GPR55: variants seen among roughly 807,000 people sequenced by gnomAD.
The protein encoded by GPR55 is G protein-coupled receptor 55.
GPR55 carries 6 observed loss-of-function variants against 7.9 expected under a neutral mutation model. The observed-to-expected ratio is 0.76, with a 90% CI of 0.41 to 1.49. The LOEUF (loss-of-function observed/expected upper bound fraction) is 1.49. GPR55 is among the 40% of genes most tolerant of loss of function. The pLI, the probability that GPR55 is intolerant of heterozygous loss-of-function variation, is 0.01. For synonymous variants in GPR55, 183 were observed against 166.8 expected (o/e 1.10, Z -0.75); for missense variants, 376 against 406.0 (o/e 0.93, Z 0.63).
chr2:230,958,383 T>C (rs1691523195), intron 1 of GPR55, among the ~76,000 whole-genome samples: 1 of 152,356 alleles, frequency 6.6e-6, no homozygotes, highest in East Asian at 1.9e-4. Flanking sequence ...TTATCCTCTG[T>C]GTTACAAACA....
Position 230,910,616 on chromosome 2 carries a change from C to T in GPR55, c.347G>A (p.Ser116Asn), listed in dbSNP as rs760682141. Residue 116 changes from serine (S) to asparagine (N), a missense_variant, in exon 2 of 2, where the codon AGC (serine) becomes AAC (asparagine). Coordinates refer to ENST00000650999, the MANE Select transcript of GPR55 (RefSeq NM_005683.4). This position sits in a 1 kb window ranked among gnomAD's most constrained non-coding sequence, Gnocchi z 5.4. ...ACGGATGGCCAAGAACCGGTCCATG[C>T]TGATGAAGCAGATGGTGAAGACGCT... ...YGSVFTICFI[S>N]MDRFLAIRYP... The T allele has an allele frequency of 2.5e-6, 4 of 1,613,818 alleles. No individual in the cohort carries two copies. The Admixed American group carries it at 6.7e-5, about 27-fold the overall frequency.
chr2:230,937,549 T>A (rs2125064347), intron 1 of GPR55, among the ~76,000 whole-genome samples: 1 of 151,610 alleles, frequency 6.6e-6, no homozygotes, highest in African/African-American at 2.4e-5. Context: ...GTTGCACCCT[T>A]CTGCAGAAGT....
At chr2:230,929,193 G>T (rs1350593471), upstream of GPR55, among the ~76,000 whole-genome samples, 1 of 152,046 alleles carries the variant, frequency 6.6e-6, no homozygotes, top group Non-Finnish European at 1.5e-5. Context: ...TGACTCCCCT[G>T]CACGGTCAGC....
At chr2:230,934,854 G>C (rs1295534703) in intron 1 of GPR55, among the ~76,000 whole-genome samples, 1 of 152,068 alleles carries the variant, frequency 6.6e-6, no homozygotes, top group Non-Finnish European at 1.5e-5. Flanking sequence ...CTCTTCAGTC[G>C]GGGTTTCCCA....
At position 230,944,688 on chromosome 2, in the gene GPR55, T is replaced by C. The variant is rs184030236; in HGVS notation, c.-135+16087A>G. Among the ~76,000 whole-genome samples the C allele has an allele frequency of 6.6e-6, 1 of 152,340 alleles. No homozygotes were observed. The highest frequency in any genetic ancestry group is 1.9e-4 in the East Asian group (1 of 5,188). ...TGAATGCTTTGTCACAAATTTACTT[T>C]GATCTCATGTACCCCGTAAATACAG... is the stretch of plus-strand genomic sequence containing the variant. On this transcript the variant is annotated intron_variant, in intron 1 of 1. Coordinates refer to the GPR55 transcript ENST00000392039. The surrounding 1 kb of genome is among the most constrained non-coding windows in gnomAD (Gnocchi z 4.2).
intron 1 of GPR55, among the ~76,000 whole-genome samples, chr2:230,916,246 G>T (rs886503095): frequency 1.3e-5 from 2 of 152,082 alleles, no homozygotes; most frequent in Non-Finnish European, 2.9e-5. Context: ...GATTAGTAGA[G>T]TGTGGTGGCT....
chr2:230,914,410 A>G (rs1690663049), intron 1 of GPR55, among the ~76,000 whole-genome samples: 1 of 152,226 alleles, frequency 6.6e-6, no homozygotes, highest in African/African-American at 2.4e-5. Flanking sequence ...GGCAAGAAGA[A>G]ATTAGGTTGA....
rs1411704679 is a variant in GPR55, at chr2:230,924,887, C to G, written c.-135+281G>C. The stretch of plus-strand genomic sequence containing the variant: ...TTCCCGACCCGACATGATGCTGCAA[C>G]CCTGAGTCAGATCAGGAGGAAGTTG... On this transcript the variant is annotated intron_variant, in intron 1 of 1. Transcript: ENST00000650999. The surrounding 1 kb of genome is among the most constrained non-coding windows in gnomAD (Gnocchi z 4.5). Among the ~76,000 whole-genome samples, 1 of 152,132 alleles carries G rather than the reference C, an allele frequency of 6.6e-6. No individual in the cohort carries two copies. Among genetic ancestry groups the G allele is most frequent in the Non-Finnish European group, 1.5e-5 (1 of 68,030 alleles).
At chr2:230,920,580 G>A (rs1425066523) in intron 1 of GPR55, among the ~76,000 whole-genome samples, 3 of 152,058 alleles carry the variant, frequency 2.0e-5, no homozygotes, top group Admixed American at 2.0e-4. Context: ...AGTAAAAGAC[G>A]ACATAAAAGA....
chr2:230,954,300 G>A (rs79580292), intron 1 of GPR55, among the ~76,000 whole-genome samples: 381 of 152,348 alleles, frequency 2.5e-3, no homozygotes, highest in Admixed American at 4.7e-3. Context: ...TGTTTCCACA[G>A]TGACAGAGCC....
At chr2:230,952,619 G>C (rs1437422347) in intron 1 of GPR55, among the ~76,000 whole-genome samples, 1 of 152,212 alleles carries the variant, frequency 6.6e-6, no homozygotes, top group East Asian at 1.9e-4. Context: ...CTGCCCACAA[G>C]GTGTCATGGG....
chr2:230,930,298 C>T (rs1157522769), intron 1 of GPR55, among the ~76,000 whole-genome samples: 3 of 152,114 alleles, frequency 2.0e-5, no homozygotes, highest in Non-Finnish European at 4.4e-5. Flanking sequence ...TTCCTTTGCC[C>T]ACATGCCCAT....
At chr2:230,946,089 C>A (rs772812034) in intron 1 of GPR55, among the ~76,000 whole-genome samples, 4 of 152,118 alleles carry the variant, frequency 2.6e-5, no homozygotes, top group African/African-American at 4.8e-5. Flanking sequence ...GGGCATCATG[C>A]TCAGTGAAAT....
At position 230,910,359 on chromosome 2, in the gene GPR55, A is replaced by G; in HGVS notation, c.604T>C (p.Ser202Pro). The change falls in exon 2 of 2, where the codon TCC (serine) becomes CCC (proline). Residue 202 changes from serine to proline, a missense_variant. Coordinates refer to ENST00000650999, the MANE Select transcript of GPR55 (RefSeq NM_005683.4). The surrounding 1 kb of genome is among the most constrained non-coding windows in gnomAD (Gnocchi z 5.4). The stretch of plus-strand genomic sequence containing the variant: ...CCCAGCAGGATGTGGATGCTCCTGG[A>G]GCAGCAGAAGCCCATGATGCCCATG... ...LPMGIMGFCC[S>P]RSIHILLGRR... 3 of 1,614,092 alleles carry G rather than the reference A, an allele frequency of 1.9e-6. No individual in the cohort carries two copies. The South Asian group carries it at 3.3e-5, about 18-fold the overall frequency.
intron 1 of GPR55, among the ~76,000 whole-genome samples, chr2:230,940,843 A>G (rs115285803): frequency 0.016 from 2,426 of 152,232 alleles, 66 homozygotes; most frequent in African/African-American, 0.055. Flanking sequence ...GAGACCAGGC[A>G]TGGTGGCTCA....
At chr2:230,953,959 C>T (rs1691441948) in intron 1 of GPR55, among the ~76,000 whole-genome samples, 1 of 152,248 alleles carries the variant, frequency 6.6e-6, no homozygotes, top group Non-Finnish European at 1.5e-5. Context: ...GGCGAGTCCT[C>T]AGCCTGAGAG....
At chr2:230,949,255 C>A (rs1453296578) in intron 1 of GPR55, among the ~76,000 whole-genome samples, 2 of 152,046 alleles carry the variant, frequency 1.3e-5, no homozygotes, top group Non-Finnish European at 2.9e-5. Context: ...CGTCTGTCTC[C>A]CGGGTTAAAG....
At chr2:230,949,257 G>A (rs532664064) in intron 1 of GPR55, among the ~76,000 whole-genome samples, 3 of 152,004 alleles carry the variant, frequency 2.0e-5, no homozygotes, top group South Asian at 2.1e-4. Context: ...TCTGTCTCCC[G>A]GGTTAAAGCG....
intron 1 of GPR55, among the ~76,000 whole-genome samples, chr2:230,916,291 G>A (rs1255634452): frequency 6.6e-6 from 1 of 152,132 alleles, no homozygotes; most frequent in African/African-American, 2.4e-5. Context: ...GGCAGGCTGT[G>A]TGGGAGGATC....
Sources: allele counts gnomAD v4.1 joint callset (sites outside exome capture counted in the v4.1 genomes callset), GRCh38; gene constraint gnomAD v4.1.1; non-coding constraint Gnocchi (gnomAD v3.1); transcripts MANE v1.5; gene names NCBI Gene and HGNC (gene_info 2026-07-23, HGNC 2026-07-21).